TMPRSS7: variants seen among roughly 807,000 people sequenced by gnomAD.
TMPRSS7 encodes the protein transmembrane protease serine 7.
A neutral mutation model predicts 95.6 loss-of-function variants in TMPRSS7; 81 were observed. The ratio of observed to expected loss-of-function variants is 0.85; its 90% CI spans 0.71 to 1.02. TMPRSS7 has a LOEUF of 1.02. Among genes scored for constraint, TMPRSS7 ranks in the 50% least tolerant of loss-of-function variants. The pLI, the probability that TMPRSS7 is intolerant of heterozygous loss-of-function variation, is 0.00. For missense variants in TMPRSS7, 945 were observed against 955.2 expected, an observed-to-expected ratio of 0.99 and a Z score of 0.14; for synonymous variants, 364 against 337.8, an observed-to-expected ratio of 1.08 and a Z score of -0.85.
chr3:112,038,721 A>G (rs2073176144), intron 2 of TMPRSS7, among the ~76,000 whole-genome samples: 1 of 152,102 alleles, frequency 6.6e-6, no homozygotes, highest in African/African-American at 2.4e-5. Flanking sequence ...TACTCAAACA[A>G]TCCTCCCACC....
exon 3 of TMPRSS7, chr3:112,041,921 T>G: frequency 6.5e-7 from 1 of 1,528,768 alleles, no homozygotes; most frequent in Non-Finnish European, 8.9e-7. Context: ...ATTTTACAGG[T>G]AAAACAGAAA....
chr3:112,050,644 T>A, intron 8 of TMPRSS7, 27 bp from the exon 9 acceptor site: 1 of 1,326,790 alleles, frequency 7.5e-7, no homozygotes, highest in Non-Finnish European at 1.0e-6. Context: ...CTGCAAATCA[T>A]TGTGTGTCAC....
chr3:112,074,215 T>G, intron 13 of TMPRSS7, 81 bp from the exon 14 acceptor site: 1 of 983,186 alleles, frequency 1.0e-6, no homozygotes, highest in African/African-American at 1.6e-5. Flanking sequence ...TTTATGGGGT[T>G]TGGAGTTATT....
chr3:112,076,867 T>C lies in TMPRSS7; in HGVS notation c.1956-9T>C. ...CTGCTAACTTTATGTTTCATTACTG[T>C]TCTATCAGGCTGTCAGATCCCACAC... is the stretch of plus-strand genomic sequence containing the variant. On this transcript the variant is annotated splice_polypyrimidine_tract_variant and intron_variant, in intron 15 of 17. Transcript: ENST00000452346. The C allele has an allele frequency of 1.2e-6, 2 of 1,612,622 alleles. No homozygotes were observed. Among genetic ancestry groups the C allele is most frequent in the Non-Finnish European group, 1.7e-6 (2 of 1,179,230 alleles).
At chr3:112,047,508 T>G (rs2073294435) in intron 6 of TMPRSS7, 3 of 640,314 alleles carry the variant, frequency 4.7e-6, no homozygotes, top group Non-Finnish European at 8.7e-6. Context: ...TGTGCCCACC[T>G]CTGAAACTAG....
chr3:112,057,333 C>T (rs1025973503), intron 10 of TMPRSS7, among the ~76,000 whole-genome samples: 5 of 152,158 alleles, frequency 3.3e-5, no homozygotes, highest in African/African-American at 1.2e-4. Flanking sequence ...GGGCTCCTGC[C>T]CCACCACTGC....
intron 1 of TMPRSS7, 142 bp downstream of exon 1, chr3:112,035,035 T>C: frequency 1.6e-6 from 1 of 616,678 alleles, no homozygotes; most frequent in Non-Finnish European, 2.9e-6. Flanking sequence ...TAATGGGTTT[T>C]ACAAATGTGA....
chr3:112,042,749 T>A (rs996356497), intron 3 of TMPRSS7, among the ~76,000 whole-genome samples: 1 of 152,234 alleles, frequency 6.6e-6, no homozygotes, highest in African/African-American at 2.4e-5. Flanking sequence ...TGTTCCCAAC[T>A]TTTGCTATAG....
intron 10 of TMPRSS7, 147 bp downstream of exon 10, chr3:112,057,278 A>G: frequency 3.3e-6 from 2 of 604,132 alleles, no homozygotes; most frequent in Admixed American, 3.0e-5. Flanking sequence ...GCTCAAGGCC[A>G]TGCAGCTCAT....
chr3:112,047,433 C>T (rs757857115), intron 6 of TMPRSS7: 10 of 572,824 alleles, frequency 1.7e-5, no homozygotes, highest in South Asian at 1.5e-4. Context: ...CTCTCATTGT[C>T]TGGATTGACT....
rs769425763 is a variant in TMPRSS7 at position 112,045,682 on chromosome 3, A to G, written c.498-68A>G. On this transcript the variant is annotated intron_variant, in intron 4 of 17. Transcript: ENST00000452346. ...TGCTCATTGGCCTTACCTTGAATCC[A>G]TCATCTGGGTATTTCTTCTCTGTAA... The G allele has an allele frequency of 2.0e-5, 29 of 1,433,016 alleles. No homozygotes were observed. The Middle Eastern group carries it at 1.3e-3, about 62-fold the overall frequency. 88.8% of individuals were successfully genotyped at this position (1,433,016 alleles called of 1,614,324 possible). A position where few individuals can be genotyped will look rare whatever the true frequency, so the allele number is the denominator to read the frequency against.
Position 112,076,517 on chromosome 3 carries a change from G to A in TMPRSS7, c.1956-359G>A, listed in dbSNP as rs570589914. Among the ~76,000 whole-genome samples the A allele has an allele frequency of 5.9e-5, 9 of 152,322 alleles. No individual in the cohort carries two copies. The South Asian group carries it at 1.2e-3, about 21-fold the overall frequency. ...GATTCTCCATCAAATGCCATTGTCAGCATGAATAGGAAGAATGTAACAAAT... is the reference window on the plus strand; with the variant it reads ...GATTCTCCATCAAATGCCATTGTCAACATGAATAGGAAGAATGTAACAAAT... On this transcript the variant is annotated intron_variant, in intron 15 of 17. Coordinates refer to ENST00000452346, the Ensembl canonical transcript of TMPRSS7.
At chr3:112,058,865 T>G (rs1289199987) in intron 10 of TMPRSS7, among the ~76,000 whole-genome samples, 1 of 152,238 alleles carries the variant, frequency 6.6e-6, no homozygotes, top group African/African-American at 2.4e-5. Flanking sequence ...AGTTCTTCAC[T>G]AGGCTTGTGG....
rs536497350 is a variant in TMPRSS7 at position 112,074,585 on chromosome 3, C to G, written c.1783+173C>G. The stretch of plus-strand genomic sequence containing the variant: ...AAATTGTTTCTCAGAAATAAAAACT[C>G]TGGAATGGATTCTGTCTTCTTGATA... On this transcript the variant is annotated intron_variant, in intron 14 of 17. Transcript: ENST00000452346. Among the ~76,000 whole-genome samples the G allele has an allele frequency of 2.0e-4, 31 of 152,236 alleles. 1 individual carries two copies. The highest frequency in any genetic ancestry group is 1.6e-3 in the Admixed American group (25 of 15,290).
At chr3:112,081,107 G>A in exon 18 of TMPRSS7, 1 of 1,578,962 alleles carries the variant, frequency 6.3e-7, no homozygotes, top group Non-Finnish European at 8.6e-7. Flanking sequence ...TATTTTTACT[G>A]TGATTTATGT....
chr3:112,056,551 T>G (rs970874579), intron 9 of TMPRSS7, among the ~76,000 whole-genome samples: 3 of 152,194 alleles, frequency 2.0e-5, no homozygotes, highest in African/African-American at 7.2e-5. Flanking sequence ...CTTTCTCTTC[T>G]GAGGTCTTCC....
chr3:112,077,229 G>T (rs1469075800), intron 16 of TMPRSS7, 85 bp downstream of exon 16: 5 of 1,475,968 alleles, frequency 3.4e-6, no homozygotes, highest in South Asian at 2.6e-5. Context: ...CACAGAGAGG[G>T]TTTGTGTATA....
intron 16 of TMPRSS7, among the ~76,000 whole-genome samples, chr3:112,077,374 T>C (rs995552424): frequency 4.6e-5 from 7 of 152,174 alleles, no homozygotes; most frequent in African/African-American, 1.7e-4. Context: ...GGACTGTGTA[T>C]GAGCAAGGCA....
intron 2 of TMPRSS7, chr3:112,039,813 T>C (rs2073186225): frequency 6.6e-6 from 1 of 152,378 alleles, no homozygotes; most frequent in African/African-American, 2.4e-5. Flanking sequence ...CTGAGGGCTT[T>C]ATGAGAACAG....
Sources: gnomAD v4.1 joint callset for allele counts (sites outside exome capture counted in the v4.1 genomes callset) on GRCh38, gnomAD v4.1.1 for gene constraint, MANE v1.5 for transcripts, NCBI Gene and HGNC (gene_info 2026-07-23, HGNC 2026-07-21) for gene names.